The following PCDH15 variants were observed in gnomAD, a reference collection of about 807,000 sequenced individuals.
PCDH15 encodes the protein protocadherin related 15.
A neutral mutation model predicts 178.5 loss-of-function variants in PCDH15; 129 were observed. That is an observed-to-expected ratio of 0.72 (90% CI 0.63 to 0.84). The LOEUF (loss-of-function observed/expected upper bound fraction) is 0.84. PCDH15 is among the 40% of genes least tolerant of loss of function. The pLI is 0.00. For missense variants in PCDH15, 2,230 were observed against 2,099.9 expected (o/e 1.06, Z -1.21); for synonymous variants, 800 against 732.0 (o/e 1.09, Z -1.50).
At chr10:53,933,527 T>A (rs1465044129) in intron 25 of PCDH15, among the ~76,000 whole-genome samples, 1 of 152,228 alleles carries the variant, frequency 6.6e-6, no homozygotes, top group East Asian at 1.9e-4. Flanking sequence ...GGCTGTATAG[T>A]ATTCCATGGT....
At chr10:54,425,429 C>A (rs919677302) in intron 3 of PCDH15, among the ~76,000 whole-genome samples, 2 of 152,122 alleles carry the variant, frequency 1.3e-5, no homozygotes, top group Non-Finnish European at 2.9e-5. Context: ...AGAAGGCTCT[C>A]AAAAGATATG....
intron 2 of PCDH15, among the ~76,000 whole-genome samples, chr10:55,075,860 G>T (rs1165426635): frequency 6.6e-6 from 1 of 151,916 alleles, no homozygotes; most frequent in African/African-American, 2.4e-5. Flanking sequence ...TATTTTTGAT[G>T]TAAGTATTCA....
intron 3 of PCDH15, among the ~76,000 whole-genome samples, chr10:54,521,872 G>C (rs542865630): frequency 9.9e-5 from 15 of 151,866 alleles, no homozygotes; most frequent in African/African-American, 3.4e-4. Flanking sequence ...GGTGGATCAC[G>C]AGGTCAGGAG....
At chr10:54,629,971 A>C (rs1227543262) in intron 2 of PCDH15, among the ~76,000 whole-genome samples, 1 of 152,150 alleles carries the variant, frequency 6.6e-6, no homozygotes, top group Non-Finnish European at 1.5e-5. Flanking sequence ...AGCCAAATTA[A>C]GATCAAAAAC....
At chr10:54,348,985 T>C (rs1943753849) in intron 5 of PCDH15, among the ~76,000 whole-genome samples, 1 of 152,182 alleles carries the variant, frequency 6.6e-6, no homozygotes, top group Admixed American at 6.5e-5. Flanking sequence ...TCCATAATTT[T>C]CAAACTGTGA....
intron 2 of PCDH15, among the ~76,000 whole-genome samples, chr10:55,326,747 T>C (rs575825653): frequency 2.0e-5 from 3 of 151,780 alleles, no homozygotes; most frequent in Non-Finnish European, 2.9e-5. Context: ...ATCTAACACA[T>C]ACCTAACAGA....
At chr10:54,737,207 T>C (rs1278120222) in intron 1 of PCDH15, among the ~76,000 whole-genome samples, 3 of 152,086 alleles carry the variant, frequency 2.0e-5, no homozygotes, top group Admixed American at 6.6e-5. Context: ...CTCCAGGTGC[T>C]GGCGCTGACC....
intron 2 of PCDH15, among the ~76,000 whole-genome samples, chr10:55,052,408 A>C (rs1841186421): frequency 6.6e-6 from 1 of 151,206 alleles, no homozygotes; most frequent in South Asian, 2.1e-4. Flanking sequence ...AGGATTTTAA[A>C]AGTATATGAG....
At chr10:54,692,939 T>A (rs780092741) in intron 1 of PCDH15, among the ~76,000 whole-genome samples, 1 of 152,208 alleles carries the variant, frequency 6.6e-6, no homozygotes, top group East Asian at 1.9e-4. Flanking sequence ...CAAAACAGGA[T>A]ACAGGTGCAG....
intron 2 of PCDH15, among the ~76,000 whole-genome samples, chr10:54,996,104 C>T (rs748858126): frequency 2.0e-5 from 3 of 152,102 alleles, no homozygotes; most frequent in Non-Finnish European, 4.4e-5. Context: ...GTTTCCTGGC[C>T]AGGAACACAT....
intron 2 of PCDH15, among the ~76,000 whole-genome samples, chr10:55,009,580 T>C (rs1032565068): frequency 6.6e-6 from 1 of 152,144 alleles, no homozygotes; most frequent in South Asian, 2.1e-4. Flanking sequence ...GATTTCTTTT[T>C]ATGTATAATT....
intron 2 of PCDH15, among the ~76,000 whole-genome samples, chr10:54,942,961 T>C (rs1276565506): frequency 6.6e-6 from 1 of 152,086 alleles, no homozygotes. Context: ...TTAAATTGAC[T>C]CTCTAAGTCA....
chr10:54,999,249 C>T, intron 2 of PCDH15, among the ~76,000 whole-genome samples: 1 of 152,016 alleles, frequency 6.6e-6, no homozygotes, highest in East Asian at 1.9e-4. Flanking sequence ...TTTTTCTTAC[C>T]TCTGATGACC....
chr10:53,878,178 A>C (rs1211733369), intron 26 of PCDH15, among the ~76,000 whole-genome samples: 1 of 50,810 alleles, frequency 2.0e-5, no homozygotes, highest in African/African-American at 9.8e-5. Flanking sequence ...TGGCTATACT[A>C]TGGCACACAC....
chr10:55,261,648 C>G (rs951154175), intron 1 of PCDH15, among the ~76,000 whole-genome samples: 1 of 151,926 alleles, frequency 6.6e-6, no homozygotes, highest in East Asian at 1.9e-4. Flanking sequence ...TTTGATCTCC[C>G]GAGAATCATT....
At chr10:55,472,332 A>G (rs1294682820) in intron 2 of PCDH15, among the ~76,000 whole-genome samples, 1 of 152,152 alleles carries the variant, frequency 6.6e-6, no homozygotes, top group Non-Finnish European at 1.5e-5. Flanking sequence ...GAACATGTTG[A>G]GAATAATAAG....
rs139547641 is a variant in PCDH15 at position 54,329,639 on chromosome 10, T to C, written c.662A>G (p.Asn221Ser). The stretch of plus-strand genomic sequence containing the variant: ...AAAGTAGCGAGTCTTATCTTCATAG[T>C]TGAGCCTCTTCCTTAACACTATATT... The part of the protein sequence containing the change: ...TGNIVLRKRL[N>S]YEDKTRYFVI... The change falls in exon 7 of 38, where the codon AAC becomes AGC. Residue 221 changes from asparagine to serine, a missense_variant. Coordinates refer to ENST00000644397, the MANE Select transcript of PCDH15 (RefSeq NM_001384140.1). 90 of 1,609,036 alleles carry C rather than the reference T, an allele frequency of 5.6e-5. No homozygotes were observed. In the African/African-American group the frequency reaches 8.6e-4, roughly 15 times the overall value.
At chr10:55,089,190 A>T (rs1376866540) in intron 2 of PCDH15, among the ~76,000 whole-genome samples, 2 of 152,166 alleles carry the variant, frequency 1.3e-5, no homozygotes, top group African/African-American at 4.8e-5. Context: ...TTCGTAAGAC[A>T]GGCTCATTAC....
intron 9 of PCDH15, among the ~76,000 whole-genome samples, chr10:54,226,199 C>T (rs1591290114): frequency 6.6e-6 from 1 of 152,166 alleles, no homozygotes; most frequent in Admixed American, 6.5e-5. Flanking sequence ...GCCTCACACT[C>T]ATGGTGGAAG....
Sources: gnomAD v4.1 joint callset for allele counts (sites outside exome capture counted in the v4.1 genomes callset) on GRCh38, gnomAD v4.1.1 for gene constraint, MANE v1.5 for transcripts, NCBI Gene and HGNC (gene_info 2026-07-23, HGNC 2026-07-21) for gene names.